Variants in BRAF observed in about 807,000 individuals in gnomAD.
BRAF encodes the protein serine/threonine-protein kinase B-raf.
BRAF carries 16 observed loss-of-function variants against 104.6 expected under a neutral mutation model. The observed-to-expected ratio is 0.15, with a 90% CI of 0.10 to 0.23. The LOEUF (loss-of-function observed/expected upper bound fraction) is 0.23. Among genes scored for constraint, BRAF ranks in the 10% least tolerant of loss-of-function variants. BRAF has a pLI of 1.00. For missense variants in BRAF, 541 were observed against 937.3 expected, an observed-to-expected ratio of 0.58 and a Z score of 5.52; for synonymous variants, 310 against 341.6, an observed-to-expected ratio of 0.91 and a Z score of 1.02.
intron 19 of BRAF, chr7:140,731,528 A>G (rs1372700820): frequency 6.6e-6 from 1 of 152,176 alleles, no homozygotes; most frequent in East Asian, 1.9e-4. Flanking sequence ...AAGGCACATA[A>G]TTTTCTTAAA....
At chr7:140,907,402 C>T (rs1816444266) in intron 1 of BRAF, among the ~76,000 whole-genome samples, 1 of 152,080 alleles carries the variant, frequency 6.6e-6, no homozygotes, top group Non-Finnish European at 1.5e-5. Context: ...GCTGGGACTA[C>T]AGGTGCCTGC....
chr7:140,869,321 T>C (rs762818737), intron 1 of BRAF, among the ~76,000 whole-genome samples: 3 of 152,108 alleles, frequency 2.0e-5, no homozygotes, highest in Non-Finnish European at 4.4e-5. Flanking sequence ...TACCATACAA[T>C]TGATGACATC....
chr7:140,722,606 C>T lies in BRAF; in HGVS notation c.*3888G>A. Reference sequence around the variant, plus strand: ...CTGCTCGTCTCAAGGTGCTGGTATTCCTAGCACTAACAATGCCAACTTGGA... The same window carrying T: ...CTGCTCGTCTCAAGGTGCTGGTATTTCTAGCACTAACAATGCCAACTTGGA... On this transcript the variant is annotated 3_prime_UTR_variant, in exon 20 of 20. Coordinates refer to ENST00000644969, the MANE Select transcript of BRAF (RefSeq NM_001374258.1). The T allele has an allele frequency of 6.6e-6, 7 of 1,054,932 alleles. No individual in the cohort carries two copies. The highest frequency in any genetic ancestry group is 8.0e-6 in the Non-Finnish European group (7 of 872,788). The allele number at this position is 1,054,932 out of a possible 1,614,324, so 65.3% of individuals were successfully genotyped here. A position where few individuals can be genotyped will look rare whatever the true frequency, so the allele number is the denominator to read the frequency against.
intron 2 of BRAF, among the ~76,000 whole-genome samples, chr7:140,847,188 C>T (rs1808649894): frequency 6.6e-6 from 1 of 152,010 alleles, no homozygotes; most frequent in Non-Finnish European, 1.5e-5. Context: ...GTGATAAGTG[C>T]AATGTTCTAA....
rs1017819712 is a variant in BRAF, at chr7:140,760,916, G to C, written c.1815-6683C>G. On this transcript the variant is annotated intron_variant, in intron 14 of 19. Coordinates refer to ENST00000644969, the MANE Select transcript of BRAF (RefSeq NM_001374258.1). ...AAAAGACCAAATCTACGTCTGATTAGTGTACCTGAAAGTGACGGGGAGAAT... is the reference window on the plus strand; with the variant it reads ...AAAAGACCAAATCTACGTCTGATTACTGTACCTGAAAGTGACGGGGAGAAT... Among the ~76,000 whole-genome samples the C allele has an allele frequency of 5.9e-5, 9 of 152,154 alleles. 1 individual carries two copies. Among genetic ancestry groups the C allele is most frequent in the African/African-American group, 2.2e-4 (9 of 41,416 alleles).
At chr7:140,826,305 C>T (rs1428401350) in intron 3 of BRAF, among the ~76,000 whole-genome samples, 3 of 152,150 alleles carry the variant, frequency 2.0e-5, no homozygotes, top group Non-Finnish European at 2.9e-5. Context: ...CTAGAGATAA[C>T]TGTTTCTTTT....
intron 19 of BRAF, chr7:140,731,536 A>T (rs1795961807): frequency 6.6e-6 from 1 of 152,250 alleles, no homozygotes; most frequent in African/African-American, 2.4e-5. Context: ...TAATTTTCTT[A>T]AACTAAGAGT....
chr7:140,860,069 C>G (rs1379225499), intron 1 of BRAF, among the ~76,000 whole-genome samples: 1 of 151,966 alleles, frequency 6.6e-6, no homozygotes, highest in African/African-American at 2.4e-5. Flanking sequence ...ACTGGTGTTA[C>G]CAGGAAAACA....
Position 140,720,277 on chromosome 7 carries a change from AG to A in BRAF, c.*6216del. ...CCTCAAAAATCAGGCGATATCATGA[AG>A]GCCAAACTGAGTCTATATATGTGGC... On this transcript the variant is annotated 3_prime_UTR_variant, in exon 20 of 20. Transcript: ENST00000644969. 7.5e-6 allele frequency: 8 copies of A among 1,062,900 alleles called. No individual in the cohort carries two copies. The highest frequency in any genetic ancestry group is 9.1e-6 in the Non-Finnish European group (8 of 877,782). The allele number at this position is 1,062,900 out of a possible 1,614,324, so 65.8% of individuals were successfully genotyped here.
intron 1 of BRAF, among the ~76,000 whole-genome samples, chr7:140,863,734 C>T (rs557185288): frequency 1.3e-5 from 2 of 152,192 alleles, no homozygotes; most frequent in East Asian, 3.9e-4. Context: ...TGTGTAGCAC[C>T]TCCCCCTACC....
chr7:140,920,987 T>C (rs897680236), intron 1 of BRAF, among the ~76,000 whole-genome samples: 1 of 152,306 alleles, frequency 6.6e-6, no homozygotes, highest in South Asian at 2.1e-4. Context: ...TGTATTTTAA[T>C]ACAGTGGACC....
intron 1 of BRAF, among the ~76,000 whole-genome samples, chr7:140,882,856 T>G (rs913971593): frequency 1.3e-5 from 2 of 151,934 alleles, no homozygotes; most frequent in Non-Finnish European, 1.5e-5. Flanking sequence ...TAACTGGGCA[T>G]GGTGGTGCAT....
chr7:140,760,864 A>C (rs917475308), intron 14 of BRAF, among the ~76,000 whole-genome samples: 1 of 152,204 alleles, frequency 6.6e-6, no homozygotes, highest in African/African-American at 2.4e-5. Context: ...AAACGAACAA[A>C]GCCTCCAAGA....
intron 8 of BRAF, among the ~76,000 whole-genome samples, chr7:140,791,219 T>C (rs757695751): frequency 2.0e-5 from 3 of 152,202 alleles, no homozygotes; most frequent in Non-Finnish European, 4.4e-5. Context: ...AAATTAACAC[T>C]TAATCCTACT....
chr7:140,879,225 A>C (rs777644396), intron 1 of BRAF, among the ~76,000 whole-genome samples: 4 of 151,850 alleles, frequency 2.6e-5, no homozygotes, highest in Non-Finnish European at 4.4e-5. Flanking sequence ...CTCTGTTGCC[A>C]GGCTGGAGTA....
intron 1 of BRAF, among the ~76,000 whole-genome samples, chr7:140,851,954 T>C (rs1238608531): frequency 6.6e-6 from 1 of 152,238 alleles, no homozygotes; most frequent in African/African-American, 2.4e-5. Context: ...TTAATCTTTA[T>C]TCTTCTACAA....
At chr7:140,809,155 T>C (rs1381334633) in intron 3 of BRAF, among the ~76,000 whole-genome samples, 160 bp from the exon 4 acceptor site, 2 of 152,220 alleles carry the variant, frequency 1.3e-5, no homozygotes, top group East Asian at 3.8e-4. Context: ...AGGGAAATTA[T>C]AACCCAAATA....
chr7:140,773,002 T>C (rs1799995751), intron 14 of BRAF, among the ~76,000 whole-genome samples: 1 of 152,146 alleles, frequency 6.6e-6, no homozygotes, highest in Non-Finnish European at 1.5e-5. Flanking sequence ...TTTTAGCATT[T>C]TGTTGCTGCT....
In BRAF at chr7:140,719,922, C is replaced by T. The variant is rs1239940163; in HGVS notation, c.*6572G>A. 5 of 1,062,498 alleles carry T rather than the reference C, an allele frequency of 4.7e-6. No individual in the cohort carries two copies. The East Asian group carries it at 1.5e-4, about 32-fold the overall frequency. The allele number at this position is 1,062,498 out of a possible 1,614,324, so 65.8% of individuals were successfully genotyped here. ...AAAAGAGGAATGTGTGTGTGAGTCG[C>T]CATAAGGTTTGGAGTGGTGAAACAG... On this transcript the variant is annotated 3_prime_UTR_variant, in exon 20 of 20. Transcript: ENST00000644969.
Sources: allele counts gnomAD v4.1 joint callset (sites outside exome capture counted in the v4.1 genomes callset), GRCh38; gene constraint gnomAD v4.1.1; transcripts MANE v1.5; gene names NCBI Gene and HGNC (gene_info 2026-07-23, HGNC 2026-07-21).